Variants in TENM3 observed in about 807,000 individuals in gnomAD.
TENM3 encodes the protein teneurin-3.
Under a neutral mutation model 255.1 loss-of-function variants are expected in TENM3, and 63 were observed. The ratio of observed to expected loss-of-function variants is 0.25; its 90% CI spans 0.20 to 0.30. The LOEUF is 0.30. Ranked by LOEUF, TENM3 falls within the 10% of genes least tolerant of loss-of-function variation. The pLI, the probability that TENM3 is intolerant of heterozygous loss-of-function variation, is 1.00. For missense variants in TENM3, 2,929 were observed against 3,461.1 expected, an observed-to-expected ratio of 0.85 and a Z score of 3.86; for synonymous variants, 1,306 against 1,322.3, an observed-to-expected ratio of 0.99 and a Z score of 0.27.
the TENM3 span, among the ~76,000 whole-genome samples, chr4:181,824,587 A>G: frequency 6.6e-6 from 1 of 152,164 alleles, no homozygotes; most frequent in Non-Finnish European, 1.5e-5. Flanking sequence ...CCCATTTTAT[A>G]TGACATGAAG....
At chr4:182,505,826 C>T (rs1045767305) in intron 3 of TENM3, among the ~76,000 whole-genome samples, 1 of 152,172 alleles carries the variant, frequency 6.6e-6, no homozygotes, top group Non-Finnish European at 1.5e-5. Flanking sequence ...TGATATAAAT[C>T]ATTCCTTTGT....
At chr4:181,965,868 C>A in the TENM3 span, among the ~76,000 whole-genome samples, 1 of 152,160 alleles carries the variant, frequency 6.6e-6, no homozygotes, top group Non-Finnish European at 1.5e-5. Context: ...CACATCCCAT[C>A]ACTTGGAGTG....
chr4:181,883,532 T>C, the TENM3 span, among the ~76,000 whole-genome samples: 3 of 152,184 alleles, frequency 2.0e-5, no homozygotes, highest in Non-Finnish European at 4.4e-5. Flanking sequence ...TGGAGTGCTG[T>C]GGTGCGATCT....
At chr4:182,325,934 T>G (rs1024736898) in intron 2 of TENM3, among the ~76,000 whole-genome samples, 17 of 152,146 alleles carry the variant, frequency 1.1e-4, no homozygotes, top group African/African-American at 4.1e-4. Context: ...TGAACTGTTC[T>G]CCTCCTAGGC....
intron 1 of TENM3, among the ~76,000 whole-genome samples, chr4:182,170,497 C>G (rs1332566692): frequency 6.6e-6 from 1 of 152,064 alleles, no homozygotes. Context: ...ATCTGATCTA[C>G]GCCTTTTACT....
chr4:181,481,102 T>C, the TENM3 span, among the ~76,000 whole-genome samples: 163 of 149,320 alleles, frequency 1.1e-3, no homozygotes, highest in African/African-American at 3.9e-3. Flanking sequence ...GATAACACTT[T>C]AAGAATTTTG....
chr4:182,230,085 G>A (rs1029742585), intron 1 of TENM3, among the ~76,000 whole-genome samples: 4 of 147,564 alleles, frequency 2.7e-5, no homozygotes, highest in Non-Finnish European at 4.4e-5. Flanking sequence ...TTAGATATAA[G>A]CAGACAGAGA....
At chr4:182,570,357 G>T (rs1001978461) in intron 3 of TENM3, among the ~76,000 whole-genome samples, 1 of 152,162 alleles carries the variant, frequency 6.6e-6, no homozygotes, top group Non-Finnish European at 1.5e-5. Context: ...AAGTAGATTT[G>T]CAAGGGGAAT....
At chr4:182,007,682 G>T in the TENM3 span, among the ~76,000 whole-genome samples, 1 of 152,062 alleles carries the variant, frequency 6.6e-6, no homozygotes, top group South Asian at 2.1e-4. Flanking sequence ...TATCCAATTT[G>T]CCAGTCTGTG....
the TENM3 span, among the ~76,000 whole-genome samples, chr4:181,596,803 C>T: frequency 2.6e-5 from 4 of 152,032 alleles, no homozygotes; most frequent in Non-Finnish European, 5.9e-5. Context: ...GAGCTGGAAG[C>T]CATTATCCTT....
chr4:181,922,817 T>C, the TENM3 span, among the ~76,000 whole-genome samples: 73 of 151,772 alleles, frequency 4.8e-4, no homozygotes, highest in African/African-American at 1.7e-3. Context: ...GTTCTTTTAA[T>C]TGTGATGTTA....
intron 1 of TENM3, among the ~76,000 whole-genome samples, chr4:182,210,603 T>C (rs1377841187): frequency 6.8e-6 from 1 of 147,618 alleles, no homozygotes; most frequent in Non-Finnish European, 1.5e-5. Context: ...GCTGCCTCCA[T>C]TTTCCCCCTC....
chr4:182,355,496 C>G (rs1258695413), intron 3 of TENM3, among the ~76,000 whole-genome samples: 1 of 152,152 alleles, frequency 6.6e-6, no homozygotes, highest in African/African-American at 2.4e-5. Context: ...GGGGACATGG[C>G]CCTGTTCACT....
chr4:182,710,084 A>G (rs534811872), intron 12 of TENM3, among the ~76,000 whole-genome samples: 22 of 152,338 alleles, frequency 1.4e-4, no homozygotes, highest in African/African-American at 5.3e-4. Flanking sequence ...CTGCTAATCC[A>G]GATCAGAATT....
chr4:182,388,269 C>G lies in TENM3; in HGVS notation c.511+41340C>G, dbSNP rs554772220. ...CCTTGACGTAGCAGTCCCTCTCAGT[C>G]CTCTGCCTGGCCTCATCAAGACTTC... On this transcript the variant is annotated intron_variant, in intron 3 of 27. Coordinates refer to ENST00000511685, the MANE Select transcript of TENM3 (RefSeq NM_001080477.4). Among the ~76,000 whole-genome samples the G allele has an allele frequency of 2.0e-5, 3 of 152,258 alleles. No homozygotes were observed. The East Asian group carries it at 5.8e-4, about 29-fold the overall frequency.
At chr4:182,606,782 T>C (rs1282321076) in intron 4 of TENM3, among the ~76,000 whole-genome samples, 1 of 152,332 alleles carries the variant, frequency 6.6e-6, no homozygotes, top group South Asian at 2.1e-4. Flanking sequence ...TAGCCTCAAC[T>C]TGATTGTTTA....
At chr4:181,792,962 G>A in the TENM3 span, among the ~76,000 whole-genome samples, 1 of 151,290 alleles carries the variant, frequency 6.6e-6, no homozygotes, top group Non-Finnish European at 1.5e-5. Flanking sequence ...AGTTATAGAC[G>A]GTTTTTTTTT....
intron 23 of TENM3, 74 bp from the exon 24 acceptor site, chr4:182,774,844 C>G: frequency 9.4e-7 from 1 of 1,066,406 alleles, no homozygotes; most frequent in Non-Finnish European, 1.4e-6. Flanking sequence ...AATTTAGAAC[C>G]TATCTCACGG....
At chr4:181,770,402 T>C in the TENM3 span, among the ~76,000 whole-genome samples, 28,188 of 152,002 alleles carry the variant, frequency 0.19, 3,308 homozygotes, top group Non-Finnish European at 0.26. Context: ...TGGCCGGGCG[T>C]GGTGGCTCAC....
Sources: allele counts gnomAD v4.1 joint callset (sites outside exome capture counted in the v4.1 genomes callset), GRCh38; gene constraint gnomAD v4.1.1; transcripts MANE v1.5; gene names NCBI Gene and HGNC (gene_info 2026-07-23, HGNC 2026-07-21).